Variants in FARS2 observed in about 807,000 individuals in gnomAD.
FARS2 encodes the protein phenylalanyl-tRNA synthetase 2, mitochondrial, also known as phenylalanine--tRNA ligase, mitochondrial.
FARS2 carries 40 observed loss-of-function variants against 46.4 expected under a neutral mutation model. The observed-to-expected ratio is 0.86, with a 90% CI of 0.67 to 1.12. The LOEUF is 1.12. FARS2 is among the 50% of genes most tolerant of loss of function. FARS2 has a pLI of 0.00. For missense variants in FARS2, 513 were observed against 567.9 expected, an observed-to-expected ratio of 0.90 and a Z score of 0.98; for synonymous variants, 234 against 214.9, an observed-to-expected ratio of 1.09 and a Z score of -0.78.
intron 4 of FARS2, among the ~76,000 whole-genome samples, chr6:5,443,583 T>A (rs1763961757): frequency 6.6e-6 from 1 of 152,234 alleles, no homozygotes; most frequent in African/African-American, 2.4e-5. Flanking sequence ...ACATGCCCTG[T>A]GTAGCTTGCT....
chr6:5,636,662 T>C (rs956011025), intron 6 of FARS2, among the ~76,000 whole-genome samples: 5 of 152,178 alleles, frequency 3.3e-5, no homozygotes, highest in Admixed American at 2.0e-4. Flanking sequence ...CCAGAGGACA[T>C]TGAAGTCCCC....
chr6:5,696,404 T>A (rs1166131428), intron 6 of FARS2, among the ~76,000 whole-genome samples: 2 of 152,206 alleles, frequency 1.3e-5, no homozygotes, highest in African/African-American at 4.8e-5. Context: ...AGATTTTTTT[T>A]ATAGGGCATG....
intron 5 of FARS2, among the ~76,000 whole-genome samples, chr6:5,547,870 A>ATC (rs1445658404): frequency 6.6e-6 from 1 of 152,238 alleles, no homozygotes; most frequent in African/African-American, 2.4e-5. Flanking sequence ...AGAAGGGCTC[A>ATC]TCTCTCTCTG....
chr6:5,717,927 T>TAGAGAGAGAG (rs1410102835), intron 6 of FARS2, among the ~76,000 whole-genome samples: 3 of 74,226 alleles, frequency 4.0e-5, no homozygotes, highest in African/African-American at 1.1e-4. Context: ...TATATATATA[T>TAGAGAGAGAG]ATATATATAC....
At chr6:5,627,198 T>A (rs1052409373) in intron 6 of FARS2, among the ~76,000 whole-genome samples, 9 of 152,210 alleles carry the variant, frequency 5.9e-5, no homozygotes, top group African/African-American at 2.2e-4. Context: ...TGAAATGCCG[T>A]TGTGCAGTGC....
At chr6:5,444,508 G>A (rs1201672211) in intron 4 of FARS2, among the ~76,000 whole-genome samples, 6,945 of 121,574 alleles carry the variant, frequency 0.057, 542 homozygotes, top group African/African-American at 0.15. Context: ...GAGAGAGAGA[G>A]AGAGAGGAAA....
Position 5,545,233 on chromosome 6 carries a change from G to T in FARS2, c.958G>T (p.Ala320Ser), listed in dbSNP as rs767870566. The T allele has an allele frequency of 1.2e-6, 2 of 1,613,928 alleles. No individual in the cohort carries two copies. Among genetic ancestry groups the T allele is most frequent in the African/African-American group, 2.7e-5 (2 of 74,912 alleles). ...WAFGLGLERL[A>S]MILYDIPDIR... ...TTTTGGCCTAGGATTAGAAAGGCTAGCCATGATCCTCTACGACATCCCTGA... is the reference window on the plus strand; with the variant it reads ...TTTTGGCCTAGGATTAGAAAGGCTATCCATGATCCTCTACGACATCCCTGA... The change falls in exon 5 of 7, where the codon GCC becomes TCC. Residue 320 changes from alanine to serine, a missense_variant. Ala to Ser is a moderately conservative substitution (Grantham distance 99). Coordinates refer to ENST00000274680, the MANE Select transcript of FARS2 (RefSeq NM_006567.5).
intron 1 of FARS2, chr6:5,291,254 C>T (rs183077564): frequency 2.0e-5 from 3 of 152,258 alleles, no homozygotes; most frequent in African/African-American, 7.2e-5. Context: ...AAGATCTAAC[C>T]ACAAGAAGCT....
At chr6:5,474,367 A>G (rs1279706664) in intron 4 of FARS2, among the ~76,000 whole-genome samples, 1 of 152,200 alleles carries the variant, frequency 6.6e-6, no homozygotes, top group African/African-American at 2.4e-5. Flanking sequence ...TTTATGCTGA[A>G]GGTGTGTTGT....
intron 4 of FARS2, among the ~76,000 whole-genome samples, chr6:5,456,048 C>G (rs1431349232): frequency 6.6e-6 from 1 of 152,058 alleles, no homozygotes; most frequent in Non-Finnish European, 1.5e-5. Flanking sequence ...GAAACCCTGT[C>G]TCTCCAAAAT....
rs1232353205 is a variant in FARS2, at chr6:5,689,138, T to C, written c.1217+75818T>C. Among the ~76,000 whole-genome samples, 6 of 152,326 alleles carry C rather than the reference T, an allele frequency of 3.9e-5. No homozygotes were observed. The East Asian group carries it at 5.8e-4, about 15-fold the overall frequency. On this transcript the variant is annotated intron_variant, in intron 6 of 6. Coordinates refer to ENST00000274680, the MANE Select transcript of FARS2 (RefSeq NM_006567.5). The stretch of plus-strand genomic sequence containing the variant: ...TAGCAGTCTCTCAATTTTGTTGATC[T>C]TTTCAAAAAACCAGCTCCTGGGTTC...
At chr6:5,445,009 A>C (rs1239975887) in intron 4 of FARS2, among the ~76,000 whole-genome samples, 1 of 152,148 alleles carries the variant, frequency 6.6e-6, no homozygotes, top group Admixed American at 6.5e-5. Context: ...AAATTATATA[A>C]TTTTCAGATT....
At chr6:5,719,009 A>G (rs967823713) in intron 6 of FARS2, among the ~76,000 whole-genome samples, 13 of 152,142 alleles carry the variant, frequency 8.5e-5, no homozygotes, top group African/African-American at 3.1e-4. Context: ...AACAAATCAC[A>G]ATTCGTATCA....
intron 6 of FARS2, among the ~76,000 whole-genome samples, chr6:5,627,692 A>G (rs2150711263): frequency 6.6e-6 from 1 of 152,370 alleles, no homozygotes; most frequent in East Asian, 1.9e-4. Flanking sequence ...TATTTGGGAT[A>G]TAGAACAGAG....
In FARS2 at chr6:5,766,041, A is replaced by AT. The variant is rs869081819; in HGVS notation, c.1218-5243dup. 2.6e-5 allele frequency among the ~76,000 whole-genome samples: 4 copies of AT among 152,314 alleles called. No individual in the cohort carries two copies. In the East Asian group the frequency reaches 7.7e-4, roughly 29 times the overall value. On this transcript the variant is annotated intron_variant, in intron 6 of 6. Transcript: ENST00000274680. Reference sequence around the variant, plus strand: ...GCAATGAAATTGTAGCACCAAAAAAATTTTTTTAGAATCTCTCTTCAAACT... The same window carrying AT: ...GCAATGAAATTGTAGCACCAAAAAAATTTTTTTTAGAATCTCTCTTCAAACT...
chr6:5,566,334 AT>A (rs35449070), intron 5 of FARS2, among the ~76,000 whole-genome samples: 16,285 of 152,104 alleles, frequency 0.11, 1,064 homozygotes, highest in East Asian at 0.21. Flanking sequence ...CTACCTAGTT[AT>A]TACACACCAA....
At chr6:5,259,979 TG>T (rs1764916369), upstream of FARS2, among the ~76,000 whole-genome samples, 1 of 151,898 alleles carries the variant, frequency 6.6e-6, no homozygotes, top group Non-Finnish European at 1.5e-5. Context: ...TGAGAAAAAG[TG>T]AATGTGTTAT....
At chr6:5,652,409 G>T (rs1024606167) in intron 6 of FARS2, among the ~76,000 whole-genome samples, 4 of 152,250 alleles carry the variant, frequency 2.6e-5, no homozygotes, top group Admixed American at 2.6e-4. Flanking sequence ...CGAAACTTTA[G>T]AAGGGAATAA....
chr6:5,347,031 A>T (rs961266826), intron 1 of FARS2, among the ~76,000 whole-genome samples: 3 of 151,830 alleles, frequency 2.0e-5, no homozygotes, highest in Admixed American at 6.6e-5. Context: ...CTCCTGCCTC[A>T]GCCTCCCGAG....
Sources: gnomAD v4.1 joint callset for allele counts (sites outside exome capture counted in the v4.1 genomes callset) on GRCh38, gnomAD v4.1.1 for gene constraint, MANE v1.5 for transcripts, NCBI Gene and HGNC (gene_info 2026-07-23, HGNC 2026-07-21) for gene names.